DPP6: variants seen among roughly 807,000 people sequenced by gnomAD.
The protein encoded by DPP6 is dipeptidyl peptidase like 6, also known as A-type potassium channel modulatory protein DPP6.
In DPP6, 69 loss-of-function variants were observed where a neutral mutation model predicts 122.6. The ratio of observed to expected loss-of-function variants is 0.56; its 90% CI spans 0.46 to 0.69. The LOEUF is 0.69. Among genes scored for constraint, DPP6 ranks in the 30% least tolerant of loss-of-function variants. The pLI, the probability that DPP6 is intolerant of heterozygous loss-of-function variation, is 0.00. For missense variants in DPP6, 928 were observed against 1,116.9 expected (o/e 0.83, Z 2.41); for synonymous variants, 418 against 433.1 (o/e 0.97, Z 0.43).
chr7:154,839,157 A>G (rs982764635), intron 16 of DPP6, among the ~76,000 whole-genome samples: 4 of 152,260 alleles, frequency 2.6e-5, no homozygotes, highest in African/African-American at 9.6e-5. Context: ...TTAGGAGGGC[A>G]TGGCACATTC....
At chr7:154,443,437 C>T (rs530813937) in intron 1 of DPP6, among the ~76,000 whole-genome samples, 70 of 152,298 alleles carry the variant, frequency 4.6e-4, no homozygotes, top group Admixed American at 2.5e-3. Flanking sequence ...TCAAGGTTCT[C>T]AAAACCTAAC....
At chr7:154,512,191 A>T (rs1826141311) in intron 3 of DPP6, among the ~76,000 whole-genome samples, 1 of 152,212 alleles carries the variant, frequency 6.6e-6, no homozygotes, top group Non-Finnish European at 1.5e-5. Flanking sequence ...TGCCCAGCTA[A>T]TCGGAAAAGC....
chr7:154,742,034 C>A (rs1842841761), intron 8 of DPP6, among the ~76,000 whole-genome samples: 1 of 152,236 alleles, frequency 6.6e-6, no homozygotes, highest in Non-Finnish European at 1.5e-5. Flanking sequence ...TCTGGGCGCC[C>A]AGATTGGATG....
exon 1 of DPP6, chr7:153,887,492 G>A: frequency 1.8e-6 from 1 of 554,796 alleles, no homozygotes; most frequent in Non-Finnish European, 3.2e-6. Context: ...ATTGCTATTG[G>A]GATCCGCTGA....
At chr7:154,798,867 TC>T (rs1308007884) in intron 12 of DPP6, among the ~76,000 whole-genome samples, 1 of 152,258 alleles carries the variant, frequency 6.6e-6, no homozygotes, top group Non-Finnish European at 1.5e-5. Flanking sequence ...TACTGTGATA[TC>T]CTGGAGAACA....
intron 7 of DPP6, among the ~76,000 whole-genome samples, chr7:154,672,110 T>G (rs1448038294): frequency 1.3e-5 from 2 of 152,120 alleles, no homozygotes; most frequent in Non-Finnish European, 2.9e-5. Context: ...TCCCCCATGC[T>G]CTTCTAGTGA....
the DPP6 span, among the ~76,000 whole-genome samples, chr7:153,794,418 A>G: frequency 2.6e-4 from 39 of 152,154 alleles, no homozygotes; most frequent in Non-Finnish European, 1.5e-5. Flanking sequence ...GGGCCTTGTA[A>G]CCACTTTCTT....
chr7:154,769,631 G>C, intron 9 of DPP6, 60 bp downstream of exon 9: 1 of 1,467,596 alleles, frequency 6.8e-7, no homozygotes, highest in East Asian at 2.5e-5. Context: ...CCCCAACCCT[G>C]CTCACTCAGT....
intron 1 of DPP6, among the ~76,000 whole-genome samples, chr7:154,088,140 A>G (rs1231129588): frequency 6.6e-6 from 1 of 152,164 alleles, no homozygotes; most frequent in Non-Finnish European, 1.5e-5. Flanking sequence ...CCCCAGCACC[A>G]TTGGCTGAAA....
At chr7:154,612,900 G>A (rs1443283358) in intron 5 of DPP6, among the ~76,000 whole-genome samples, 1 of 152,164 alleles carries the variant, frequency 6.6e-6, no homozygotes, top group Non-Finnish European at 1.5e-5. Flanking sequence ...ACCATAGACT[G>A]AGTAGCTTCA....
In DPP6 at chr7:154,618,413, A is replaced by C. The variant is rs1200314337; in HGVS notation, c.628-19408A>C. Among the ~76,000 whole-genome samples, 1 of 152,178 alleles carries C rather than the reference A, an allele frequency of 6.6e-6. No homozygotes were observed. On this transcript the variant is annotated intron_variant, in intron 5 of 25. Coordinates refer to ENST00000377770, the MANE Select transcript of DPP6 (RefSeq NM_130797.4). This position sits in a 1 kb window ranked among gnomAD's most constrained non-coding sequence, Gnocchi z 4.1. Reference sequence around the variant, plus strand: ...GCTGGATTTCAGACCCTTCCTGTGCACACACACTGTTGCTTGCCCAGACAT... The same window carrying C: ...GCTGGATTTCAGACCCTTCCTGTGCCCACACACTGTTGCTTGCCCAGACAT...
At chr7:153,900,679 A>G (rs1223479001) in intron 1 of DPP6, among the ~76,000 whole-genome samples, 1 of 152,198 alleles carries the variant, frequency 6.6e-6, no homozygotes, top group African/African-American at 2.4e-5. Context: ...ACCTCTCAGT[A>G]GATTCCACCT....
At chr7:154,131,803 T>A (rs988514801) in intron 1 of DPP6, among the ~76,000 whole-genome samples, 9 of 152,122 alleles carry the variant, frequency 5.9e-5, no homozygotes, top group Non-Finnish European at 1.0e-4. Context: ...CAAATAGAGG[T>A]GCTCAAGGAG....
At chr7:154,318,873 G>A (rs923842440) in intron 1 of DPP6, among the ~76,000 whole-genome samples, 13 of 152,170 alleles carry the variant, frequency 8.5e-5, no homozygotes, top group African/African-American at 3.1e-4. Context: ...GCCATTCGAG[G>A]GCCATGCTGT....
At chr7:153,871,644 GCTGCACCCACTGTC>G in the DPP6 span, among the ~76,000 whole-genome samples, 1 of 152,114 alleles carries the variant, frequency 6.6e-6, no homozygotes, top group Non-Finnish European at 1.5e-5. Context: ...CGCACAGTGC[GCTGCACCCACTGTC>G]CTGCACCCAC....
At chr7:154,582,698 T>TTC (rs1041043451) in intron 5 of DPP6, among the ~76,000 whole-genome samples, 39 of 152,182 alleles carry the variant, frequency 2.6e-4, no homozygotes, top group African/African-American at 9.4e-4. Flanking sequence ...GACAAAAAAG[T>TTC]TCTCTCTCTC....
the DPP6 span, among the ~76,000 whole-genome samples, chr7:153,842,938 T>C: frequency 1.1e-3 from 175 of 152,310 alleles, 2 homozygotes; most frequent in Admixed American, 5.2e-3. Flanking sequence ...GTATTTTTTA[T>C]TGGAAGAAAA....
At chr7:154,246,591 A>G (rs1042301849) in intron 1 of DPP6, among the ~76,000 whole-genome samples, 1 of 152,238 alleles carries the variant, frequency 6.6e-6, no homozygotes, top group Non-Finnish European at 1.5e-5. Flanking sequence ...ACAGTCTTGA[A>G]AAAAAGAACA....
At chr7:154,348,095 C>G (rs1035499619) in intron 1 of DPP6, among the ~76,000 whole-genome samples, 9 of 152,026 alleles carry the variant, frequency 5.9e-5, no homozygotes, top group Admixed American at 5.9e-4. Context: ...CCCACCCCCA[C>G]CTCCTGATGC....
Sources: gnomAD v4.1 joint callset for allele counts (sites outside exome capture counted in the v4.1 genomes callset) on GRCh38, gnomAD v4.1.1 for gene constraint, Gnocchi (gnomAD v3.1) non-coding constraint, MANE v1.5 for transcripts, NCBI Gene and HGNC (gene_info 2026-07-23, HGNC 2026-07-21) for gene names.